The following CNTNAP5 variants were observed in gnomAD, a reference collection of about 807,000 sequenced individuals.
CNTNAP5 encodes the protein contactin associated protein family member 5, also known as contactin-associated protein-like 5.
A neutral mutation model predicts 150.2 loss-of-function variants in CNTNAP5; 72 were observed. The observed-to-expected ratio is 0.48, with a 90% CI of 0.40 to 0.58. The LOEUF is 0.58. Ranked by LOEUF, CNTNAP5 falls within the 20% of genes least tolerant of loss-of-function variation. The probability of loss-of-function intolerance (pLI) is 0.00; values close to 1 mark genes in which losing one functional copy is unlikely to be tolerated. For synonymous variants in CNTNAP5, 672 were observed against 619.8 expected (o/e 1.08, Z -1.25); for missense variants, 1,636 against 1,626.2 (o/e 1.01, Z -0.10).
At chr2:124,769,747 A>T (rs1681150571) in intron 16 of CNTNAP5, among the ~76,000 whole-genome samples, 1 of 152,160 alleles carries the variant, frequency 6.6e-6, no homozygotes, top group Admixed American at 6.5e-5. Flanking sequence ...TATCGCAGGA[A>T]TAATAATTTA....
chr2:124,187,024 G>A (rs1182024702), intron 1 of CNTNAP5, among the ~76,000 whole-genome samples: 4 of 152,096 alleles, frequency 2.6e-5, no homozygotes, highest in Non-Finnish European at 5.9e-5. Flanking sequence ...CACTTAGGAG[G>A]GCTAAGGTAG....
rs1448545927 is a variant in CNTNAP5 at position 124,260,666 on chromosome 2, G to C, written c.381+18273G>C. Among the ~76,000 whole-genome samples the C allele has an allele frequency of 2.0e-5, 3 of 151,942 alleles. No homozygotes were observed. In the East Asian group the frequency reaches 5.8e-4, roughly 30 times the overall value. On this transcript the variant is annotated intron_variant, in intron 3 of 23. Transcript: ENST00000682447. ...CATCTACAATGAACTCAAATATCCG[G>C]TAATACTTTCAACCAGCATAGCTTA...
rs200100422 is a variant in CNTNAP5, at chr2:124,361,296, C to T, written c.382-56147C>T. Among the ~76,000 whole-genome samples, 75 of 144,608 alleles carry T rather than the reference C, an allele frequency of 5.2e-4. 6 individuals are homozygous for T. The highest frequency in any genetic ancestry group is 1.1e-3 in the South Asian group (5 of 4,474). 94.9% of individuals were successfully genotyped at this position (144,608 alleles called of 152,430 possible). The stretch of plus-strand genomic sequence containing the variant: ...AGAGTAATTTGATCATCTGAAGCCT[C>T]CTTCTCTCAGCTCATCAAAGTCATT... On this transcript the variant is annotated intron_variant, in intron 3 of 23. Transcript: ENST00000682447.
At chr2:124,703,655 A>T (rs1346480639) in intron 13 of CNTNAP5, among the ~76,000 whole-genome samples, 1 of 152,160 alleles carries the variant, frequency 6.6e-6, no homozygotes, top group Non-Finnish European at 1.5e-5. Flanking sequence ...TATTCAAACC[A>T]TTTGGCTTCT....
intron 1 of CNTNAP5, among the ~76,000 whole-genome samples, chr2:124,180,368 TTCA>T (rs1268832290): frequency 1.3e-5 from 2 of 152,222 alleles, no homozygotes; most frequent in Non-Finnish European, 2.9e-5. Context: ...TTCTTATTTT[TTCA>T]TCATCATCAG....
At chr2:124,607,061 G>A (rs544092005) in intron 11 of CNTNAP5, among the ~76,000 whole-genome samples, 2 of 152,166 alleles carry the variant, frequency 1.3e-5, no homozygotes, top group Non-Finnish European at 2.9e-5. Flanking sequence ...AACAGTATGA[G>A]GGAGGCTCTT....
chr2:124,189,626 T>A (rs1685413753), intron 1 of CNTNAP5, among the ~76,000 whole-genome samples: 1 of 152,346 alleles, frequency 6.6e-6, no homozygotes, highest in South Asian at 2.1e-4. Flanking sequence ...ATTTTACCAA[T>A]GTCACTAACT....
chr2:124,126,922 A>G (rs1244551889), intron 1 of CNTNAP5, among the ~76,000 whole-genome samples: 1 of 152,182 alleles, frequency 6.6e-6, no homozygotes, highest in Non-Finnish European at 1.5e-5. Flanking sequence ...AAATAATAAG[A>G]GCTATTTATG....
Position 124,329,004 on chromosome 2 carries a change from C to T in CNTNAP5, c.381+86611C>T, listed in dbSNP as rs992960129. Among the ~76,000 whole-genome samples the T allele has an allele frequency of 5.3e-5, 8 of 152,152 alleles. No individual in the cohort carries two copies. In the East Asian group the frequency reaches 1.2e-3, roughly 22 times the overall value. On this transcript the variant is annotated intron_variant, in intron 3 of 23. Coordinates refer to ENST00000682447, the MANE Select transcript of CNTNAP5 (RefSeq NM_001367498.1). ...GATGGCTGAAGCTTAAATAGGACTT[C>T]GTAGGCAAGAAGGAGACAGGGAATG...
In CNTNAP5 at chr2:124,914,364, A is replaced by G. The variant is rs775541003; in HGVS notation, c.*76A>G. 1.9e-5 allele frequency: 20 copies of G among 1,073,874 alleles called. No individual in the cohort carries two copies. The highest frequency in any genetic ancestry group is 6.1e-5 in the South Asian group (4 of 65,080). The allele number at this position is 1,073,874 out of a possible 1,614,324, so 66.5% of individuals were successfully genotyped here. A position where few individuals can be genotyped will look rare whatever the true frequency, so the allele number is the denominator to read the frequency against. On this transcript the variant is annotated 3_prime_UTR_variant, in exon 24 of 24. Transcript: ENST00000682447. ...TCCCCCTCTTCTCTCCTGTCTTTTG[A>G]TTTGGTCATTCTCTTTATTTTCTGC...
intron 14 of CNTNAP5, among the ~76,000 whole-genome samples, chr2:124,751,482 A>T (rs1484019013): frequency 6.6e-6 from 1 of 152,244 alleles, no homozygotes; most frequent in African/African-American, 2.4e-5. Flanking sequence ...TCTTTGTGAA[A>T]ATGCATTTAT....
At chr2:124,563,080 A>G (rs1695931447) in intron 10 of CNTNAP5, 137 bp from the exon 11 acceptor site, 2 of 607,862 alleles carry the variant, frequency 3.3e-6, no homozygotes, top group East Asian at 2.8e-5. Flanking sequence ...ATGTCATTCA[A>G]TCTGCCTTAG....
intron 19 of CNTNAP5, among the ~76,000 whole-genome samples, chr2:124,801,921 G>A (rs1367332464): frequency 6.6e-6 from 1 of 152,136 alleles, no homozygotes; most frequent in Non-Finnish European, 1.5e-5. Context: ...AAAGGGGGAG[G>A]TTATTTATTA....
intron 4 of CNTNAP5, among the ~76,000 whole-genome samples, chr2:124,434,123 G>A (rs969481372): frequency 5.3e-5 from 8 of 152,168 alleles, no homozygotes; most frequent in South Asian, 4.1e-4. Context: ...GGTTCTGACT[G>A]TCAGGAAGAC....
At chr2:124,192,201 C>T (rs1301235390) in intron 1 of CNTNAP5, among the ~76,000 whole-genome samples, 2 of 152,114 alleles carry the variant, frequency 1.3e-5, no homozygotes, top group African/African-American at 2.4e-5. Context: ...TGTGGGGCTC[C>T]GTCCATGGGA....
At chr2:124,360,866 A>G (rs1558867447) in intron 3 of CNTNAP5, among the ~76,000 whole-genome samples, 1 of 136,740 alleles carries the variant, frequency 7.3e-6, no homozygotes, top group Non-Finnish European at 1.6e-5. Flanking sequence ...GCCTTGCTAG[A>G]TTGGGGAAGT....
At chr2:124,770,412 C>T (rs1211762700) in intron 16 of CNTNAP5, among the ~76,000 whole-genome samples, 2 of 152,020 alleles carry the variant, frequency 1.3e-5, no homozygotes, top group Non-Finnish European at 2.9e-5. Flanking sequence ...AACAGCAAGC[C>T]CTCCCCAAAC....
At chr2:124,084,588 G>T (rs954579366) in intron 1 of CNTNAP5, among the ~76,000 whole-genome samples, 1 of 151,784 alleles carries the variant, frequency 6.6e-6, no homozygotes, top group Non-Finnish European at 1.5e-5. Context: ...TTGACTTATT[G>T]CATTGGCTAT....
intron 1 of CNTNAP5, among the ~76,000 whole-genome samples, chr2:124,158,511 G>A (rs1179726088): frequency 6.6e-6 from 1 of 152,048 alleles, no homozygotes; most frequent in Non-Finnish European, 1.5e-5. Context: ...TTCACGTTTT[G>A]CCTTCTGGAA....
Sources: allele counts gnomAD v4.1 joint callset (sites outside exome capture counted in the v4.1 genomes callset), GRCh38; gene constraint gnomAD v4.1.1; transcripts MANE v1.5; gene names NCBI Gene and HGNC (gene_info 2026-07-23, HGNC 2026-07-21).